Variants in CNNM4 observed in about 807,000 individuals in gnomAD.
CNNM4 encodes the protein metal transporter CNNM4.
In CNNM4, 32 loss-of-function variants were observed where a neutral mutation model predicts 53.7. That is an observed-to-expected ratio of 0.60 (90% confidence interval 0.45 to 0.80). CNNM4 has a LOEUF of 0.80. CNNM4 is among the 30% of genes least tolerant of loss of function. CNNM4 has a pLI of 0.00. For synonymous variants in CNNM4, 410 were observed against 440.0 expected (o/e 0.93, Z 0.85); for missense variants, 784 against 1,022.0 (o/e 0.77, Z 3.17).
chr2:96,798,303 A>G lies in CNNM4; in HGVS notation c.1681+656A>G, dbSNP rs2079124224. On this transcript the variant is annotated intron_variant, in intron 3 of 6. Coordinates refer to ENST00000377075, the MANE Select transcript of CNNM4 (RefSeq NM_020184.4). ...GGCCAGGCCCATCAGGGCTTGTGGA[A>G]TGGGAAGGAGAAGGGACGCTTCCCC... The G allele has an allele frequency of 2.4e-5, 4 of 165,834 alleles. No homozygotes were observed. The Middle Eastern group carries it at 2.1e-3, about 85-fold the overall frequency. The allele number at this position is 165,834 out of a possible 1,614,324, so 10.3% of individuals were successfully genotyped here. A position where few individuals can be genotyped will look rare whatever the true frequency, so the allele number is the denominator to read the frequency against.
At chr2:96,767,933 A>G (rs1010214616) in intron 1 of CNNM4, among the ~76,000 whole-genome samples, 3 of 152,210 alleles carry the variant, frequency 2.0e-5, no homozygotes, top group African/African-American at 4.8e-5. Context: ...TTAGCTGGGT[A>G]TGATGGCACA....
intron 1 of CNNM4, among the ~76,000 whole-genome samples, chr2:96,771,639 G>T (rs570920160): frequency 4.6e-5 from 7 of 151,774 alleles, no homozygotes; most frequent in African/African-American, 1.5e-4. Context: ...GCTTGAACCC[G>T]GTAGGTGGAG....
intron 1 of CNNM4, among the ~76,000 whole-genome samples, chr2:96,785,377 C>G (rs529229424): frequency 1.3e-5 from 2 of 151,680 alleles, no homozygotes; most frequent in Non-Finnish European, 2.9e-5. Context: ...TGGCTCATAC[C>G]TGTAATCTTA....
At chr2:96,765,034 T>TTTG (rs2078802739) in intron 1 of CNNM4, among the ~76,000 whole-genome samples, 2 of 95,478 alleles carry the variant, frequency 2.1e-5, no homozygotes, top group African/African-American at 7.2e-5. Context: ...GTTTTTTTTT[T>TTTG]TTTTTTTTTT....
At chr2:96,799,728 A>C in intron 5 of CNNM4, 80 bp downstream of exon 5, 1 of 1,197,476 alleles carries the variant, frequency 8.4e-7, no homozygotes, top group Non-Finnish European at 1.2e-6. Context: ...AGAACTGAGC[A>C]TGGGCCCGAG....
chr2:96,786,670 T>C (rs1035000302), intron 1 of CNNM4, among the ~76,000 whole-genome samples: 1 of 150,964 alleles, frequency 6.6e-6, no homozygotes, highest in African/African-American at 2.4e-5. Flanking sequence ...TCCCAGCTAT[T>C]TGGGAGGCCG....
Position 96,809,670 on chromosome 2 carries a change from C to G in CNNM4, c.*153C>G. 1 of 690,846 alleles carries G rather than the reference C, an allele frequency of 1.4e-6. No homozygotes were observed. The highest frequency in any genetic ancestry group is 2.5e-6 in the Non-Finnish European group (1 of 407,398). The allele number at this position is 690,846 out of a possible 1,614,324, so 42.8% of individuals were successfully genotyped here. On this transcript the variant is annotated 3_prime_UTR_variant, in exon 7 of 7. Coordinates refer to ENST00000377075, the MANE Select transcript of CNNM4 (RefSeq NM_020184.4). ...CCCCAGCCTATGGGGGATCTGGCCT[C>G]TGCCAGGGACCTCTGAGTAGCTCTG...
At chr2:96,765,880 C>T (rs1235533462) in intron 1 of CNNM4, among the ~76,000 whole-genome samples, 1 of 151,364 alleles carries the variant, frequency 6.6e-6, no homozygotes, top group Non-Finnish European at 1.5e-5. Context: ...CTGCAACCTC[C>T]ACCTCCGATT....
chr2:96,792,893 G>A (rs2079074283), intron 1 of CNNM4, among the ~76,000 whole-genome samples: 3 of 152,156 alleles, frequency 2.0e-5, no homozygotes, highest in South Asian at 4.1e-4. Context: ...GTGTTGGGGG[G>A]ATGGGCATGA....
At chr2:96,768,031 C>G (rs530805472) in intron 1 of CNNM4, among the ~76,000 whole-genome samples, 1 of 152,296 alleles carries the variant, frequency 6.6e-6, no homozygotes, top group African/African-American at 2.4e-5. Context: ...CCACTGCACT[C>G]CAGCCTGGGC....
chr2:96,798,081 A>G (rs910098355), intron 3 of CNNM4, among the ~76,000 whole-genome samples: 5 of 151,972 alleles, frequency 3.3e-5, no homozygotes, highest in African/African-American at 1.2e-4. Context: ...GCTACTTGGG[A>G]GGCTATGAGG....
chr2:96,790,003 ATTTTT>A (rs1014369887), intron 1 of CNNM4, among the ~76,000 whole-genome samples: 1 of 61,722 alleles, frequency 1.6e-5, no homozygotes, highest in African/African-American at 6.5e-5. Flanking sequence ...CCGGGCTAGA[ATTTTT>A]TTTTTTTTTT....
intron 1 of CNNM4, among the ~76,000 whole-genome samples, chr2:96,778,236 A>T (rs1445659633): frequency 6.6e-6 from 1 of 151,344 alleles, no homozygotes; most frequent in South Asian, 2.1e-4. Context: ...TTCTTTATAT[A>T]GTTATGTATA....
At chr2:96,809,246 C>T (rs771484968) in intron 6 of CNNM4, 74 bp from the exon 7 acceptor site, 2 of 1,594,770 alleles carry the variant, frequency 1.3e-6, no homozygotes, top group Non-Finnish European at 1.7e-6. Context: ...AATCCTGGCC[C>T]TGTTTCTCCA....
chr2:96,803,616 C>CT (rs1330346240), intron 5 of CNNM4, among the ~76,000 whole-genome samples: 1 of 151,828 alleles, frequency 6.6e-6, no homozygotes. Context: ...ATCCCAGCTA[C>CT]TTGGGAGGCT....
At position 96,762,144 on chromosome 2, in the gene CNNM4, A is replaced by C; in HGVS notation, c.1145A>C (p.Asp382Ala). The C allele has an allele frequency of 6.2e-7, 1 of 1,614,138 alleles. No individual in the cohort carries two copies. Among genetic ancestry groups the C allele is most frequent in the Non-Finnish European group, 8.5e-7 (1 of 1,180,032 alleles). Reference sequence around the variant, plus strand: ...GAGGATATCATGACCCAGCTCCAGGACTGCTTCATGATCCGCAGCGATGCC... The same window carrying C: ...GAGGATATCATGACCCAGCTCCAGGCCTGCTTCATGATCCGCAGCGATGCC... ...TVEDIMTQLQ[D>A]CFMIRSDAIL... The change falls in exon 1 of 7, where the codon GAC becomes GCC. Residue 382 changes from aspartate (D) to alanine (A), a missense_variant. Physicochemically the swap from Asp to Ala is moderately radical, Grantham distance 126. This residue lies in a region of CNNM4 where 473 missense variants were observed against 624.6 expected (regional missense o/e 0.76). Transcript: ENST00000377075.
rs185420124 is a variant in CNNM4, at chr2:96,777,107, G to A, written c.1402+14706G>A. Among the ~76,000 whole-genome samples, 299 of 151,536 alleles carry A rather than the reference G, an allele frequency of 2.0e-3. 7 individuals are homozygous for A. The East Asian group carries it at 0.03, about 15-fold the overall frequency. ...GCAATCTCAGCTCACTGCAACCCCC[G>A]CCTCCTGGGTTCAGGCAATTCTCCT... On this transcript the variant is annotated intron_variant, in intron 1 of 6. Coordinates refer to ENST00000377075, the MANE Select transcript of CNNM4 (RefSeq NM_020184.4).
chr2:96,771,981 C>T (rs142885451), intron 1 of CNNM4, among the ~76,000 whole-genome samples: 11 of 152,200 alleles, frequency 7.2e-5, no homozygotes, highest in East Asian at 5.8e-4. Context: ...CCAGAGGTTA[C>T]GATCAGAATT....
In CNNM4 at chr2:96,761,480, C is replaced by A; in HGVS notation, c.481C>A (p.Leu161Met). 1 of 1,614,144 alleles carries A rather than the reference C, an allele frequency of 6.2e-7. No individual in the cohort carries two copies. The highest frequency in any genetic ancestry group is 8.5e-7 in the Non-Finnish European group (1 of 1,180,010). Reference protein sequence around the residue: ...CTRAQPDGPWLKWTDKDSLLF... With the variant: ...CTRAQPDGPWMKWTDKDSLLF... ...CCGGGCCCAGCCCGACGGGCCCTGG[C>A]TGAAGTGGACGGACAAGGACTCACT... Residue 161 changes from leucine (L) to methionine (M), a missense_variant, in exon 1 of 7, where the codon CTG (leucine) becomes ATG (methionine). Leu to Met is a conservative substitution (Grantham distance 15). This residue lies in a region of CNNM4 where 473 missense variants were observed against 624.6 expected (regional missense o/e 0.76). Coordinates refer to ENST00000377075, the MANE Select transcript of CNNM4 (RefSeq NM_020184.4). The surrounding 1 kb of genome is among the most constrained non-coding windows in gnomAD (Gnocchi z 6.0).
Sources: allele counts gnomAD v4.1 joint callset (sites outside exome capture counted in the v4.1 genomes callset), GRCh38; gene constraint gnomAD v4.1.1; regional missense constraint gnomAD v4.1.1; non-coding constraint Gnocchi (gnomAD v3.1); transcripts MANE v1.5; gene names NCBI Gene and HGNC (gene_info 2026-07-23, HGNC 2026-07-21).